MTA3: variants seen among roughly 807,000 people sequenced by gnomAD.
MTA3 encodes the protein metastasis associated 1 family member 3.
A neutral mutation model predicts 83.5 loss-of-function variants in MTA3; 34 were observed. That is an observed-to-expected ratio of 0.41 (90% CI 0.31 to 0.54). The LOEUF (loss-of-function observed/expected upper bound fraction) is 0.54, where lower values mean the gene tolerates loss of function less well. MTA3 is among the 20% of genes least tolerant of loss of function. MTA3 has a pLI of 0.33. For synonymous variants in MTA3, 303 were observed against 252.7 expected, an observed-to-expected ratio of 1.20 and a Z score of -1.89; for missense variants, 761 against 726.4, an observed-to-expected ratio of 1.05 and a Z score of -0.55.
At chr2:42,562,035 T>C (rs1677697017) in intron 2 of MTA3, among the ~76,000 whole-genome samples, 1 of 152,150 alleles carries the variant, frequency 6.6e-6, no homozygotes, top group South Asian at 2.1e-4. Flanking sequence ...ATCCATCCCA[T>C]GCCAGTGGTT....
rs1188981999 is a variant in MTA3 at position 42,568,720 on chromosome 2, C to G, written c.-26C>G. 2 of 1,211,324 alleles carry G rather than the reference C, an allele frequency of 1.7e-6. No individual in the cohort carries two copies. The highest frequency in any genetic ancestry group is 2.0e-6 in the Non-Finnish European group (2 of 975,994). 75.0% of individuals were successfully genotyped at this position (1,211,324 alleles called of 1,614,324 possible). A position where few individuals can be genotyped will look rare whatever the true frequency, so the allele number is the denominator to read the frequency against. Reference sequence around the variant, plus strand: ...CGGCGGCGGCGGGCGGGGCTCGGCTCGGGCTCCGCGGGCGGGCGGGCGGAC... The same window carrying G: ...CGGCGGCGGCGGGCGGGGCTCGGCTGGGGCTCCGCGGGCGGGCGGGCGGAC... On this transcript the variant is annotated 5_prime_UTR_variant, in exon 1 of 17. Coordinates refer to ENST00000405094, the MANE Select transcript of MTA3 (RefSeq NM_001330442.2).
chr2:42,539,541 G>C (rs1179658402), intron 2 of MTA3, among the ~76,000 whole-genome samples: 1 of 151,686 alleles, frequency 6.6e-6, no homozygotes, highest in Non-Finnish European at 1.5e-5. Context: ...ATGAGATTTG[G>C]GTGGGGACAC....
chr2:42,704,910 T>G (rs1665930423), intron 12 of MTA3, among the ~76,000 whole-genome samples: 1 of 152,182 alleles, frequency 6.6e-6, no homozygotes, highest in African/African-American at 2.4e-5. Flanking sequence ...ATAGACTTTG[T>G]GTGTTTATTT....
intron 3 of MTA3, among the ~76,000 whole-genome samples, chr2:42,591,776 G>T (rs1681036047): frequency 6.6e-6 from 1 of 151,928 alleles, no homozygotes; most frequent in African/African-American, 2.4e-5. Flanking sequence ...TCAGCCTCCC[G>T]AGTAGCTGAG....
upstream of MTA3, among the ~76,000 whole-genome samples, chr2:42,564,067 C>T (rs566533866): frequency 2.0e-4 from 30 of 152,150 alleles, no homozygotes; most frequent in East Asian, 3.9e-4. Context: ...TCAGGTGATC[C>T]GCCTTTGCCT....
intron 2 of MTA3, among the ~76,000 whole-genome samples, chr2:42,560,162 A>T (rs1476396716): frequency 2.0e-5 from 3 of 152,072 alleles, no homozygotes; most frequent in Non-Finnish European, 4.4e-5. Flanking sequence ...AGCTGGGATT[A>T]CAGGTGCACG....
intron 2 of MTA3, among the ~76,000 whole-genome samples, chr2:42,538,772 TTTTTG>T (rs1558422295): frequency 7.2e-6 from 1 of 138,106 alleles, no homozygotes; most frequent in Non-Finnish European, 1.5e-5. Flanking sequence ...TTTTTGTTTT[TTTTTG>T]TTTTTTTTGA....
intron 2 of MTA3, among the ~76,000 whole-genome samples, chr2:42,523,609 T>C (rs542714150): frequency 6.6e-6 from 1 of 152,086 alleles, no homozygotes; most frequent in South Asian, 2.1e-4. Context: ...ATTCTGAAAT[T>C]CTCTTTGAAA....
At chr2:42,558,501 C>G (rs1000799511) in intron 2 of MTA3, among the ~76,000 whole-genome samples, 4 of 151,814 alleles carry the variant, frequency 2.6e-5, no homozygotes, top group African/African-American at 9.7e-5. Context: ...CTGCCCACCT[C>G]GGCCTCCCAA....
intron 2 of MTA3, among the ~76,000 whole-genome samples, chr2:42,544,778 G>A (rs1464514876): frequency 6.6e-6 from 1 of 152,084 alleles, no homozygotes; most frequent in Non-Finnish European, 1.5e-5. Flanking sequence ...CTATCTATAG[G>A]AAGAATGAGG....
intron 2 of MTA3, among the ~76,000 whole-genome samples, chr2:42,555,557 G>A (rs377176456): frequency 2.7e-5 from 4 of 146,316 alleles, no homozygotes; most frequent in African/African-American, 7.6e-5. Context: ...TCAGGAGATC[G>A]AGACCATCCT....
At chr2:42,696,697 G>C (rs1056095063) in intron 10 of MTA3, among the ~76,000 whole-genome samples, 2 of 152,088 alleles carry the variant, frequency 1.3e-5, no homozygotes, top group African/African-American at 4.8e-5. Flanking sequence ...CTCAGCCCAG[G>C]AGTTCATGTC....
intron 4 of MTA3, among the ~76,000 whole-genome samples, chr2:42,610,776 T>A (rs78876840): frequency 0.01 from 1,574 of 152,116 alleles, 24 homozygotes; most frequent in African/African-American, 0.036. Flanking sequence ...AGGGCACAGG[T>A]GAGCATAGGG....
chr2:42,742,381 C>T (rs1025876566), intron 16 of MTA3, among the ~76,000 whole-genome samples: 10 of 152,168 alleles, frequency 6.6e-5, no homozygotes, highest in Admixed American at 3.3e-4. Context: ...TTAGGTGATC[C>T]GCCTGCCTCA....
intron 8 of MTA3, among the ~76,000 whole-genome samples, chr2:42,679,188 G>T (rs1231701229): frequency 6.6e-6 from 1 of 151,988 alleles, no homozygotes; most frequent in East Asian, 1.9e-4. Flanking sequence ...TGAATTCTAG[G>T]CTAGAAAAAT....
chr2:42,705,709 C>A lies in MTA3; in HGVS notation c.1150+1391C>A, dbSNP rs188045046. ...TGACAGAGTGAAACATCGTCTCCCC[C>A]CCGCCCCCAAAAAAAAAATTAACTT... On this transcript the variant is annotated intron_variant, in intron 12 of 16. Coordinates refer to ENST00000405094, the MANE Select transcript of MTA3 (RefSeq NM_001330442.2). Among the ~76,000 whole-genome samples the A allele has an allele frequency of 5.9e-5, 9 of 151,972 alleles. No homozygotes were observed. In the East Asian group the frequency reaches 1.4e-3, roughly 23 times the overall value.
At chr2:42,704,756 T>C (rs1365543602) in intron 12 of MTA3, among the ~76,000 whole-genome samples, 1 of 152,184 alleles carries the variant, frequency 6.6e-6, no homozygotes, top group Non-Finnish European at 1.5e-5. Flanking sequence ...TCAGACCATG[T>C]TCCCTCAGTG....
chr2:42,647,235 T>C (rs955425371), intron 6 of MTA3, among the ~76,000 whole-genome samples: 5 of 151,600 alleles, frequency 3.3e-5, no homozygotes, highest in Non-Finnish European at 7.4e-5. Flanking sequence ...AGAAAAACTT[T>C]TTTTTAGAGA....
intron 3 of MTA3, among the ~76,000 whole-genome samples, chr2:42,608,791 C>T (rs530582826): frequency 5.3e-5 from 8 of 151,942 alleles, no homozygotes; most frequent in African/African-American, 1.5e-4. Context: ...GGCTAAGGCA[C>T]AAGAATTGCT....
Sources: gnomAD v4.1 joint callset for allele counts (sites outside exome capture counted in the v4.1 genomes callset) on GRCh38, gnomAD v4.1.1 for gene constraint, MANE v1.5 for transcripts, NCBI Gene and HGNC (gene_info 2026-07-23, HGNC 2026-07-21) for gene names.